Variants in LRRC4C observed in about 807,000 individuals in gnomAD.
LRRC4C encodes the protein leucine rich repeat containing 4C.
In LRRC4C, 5 loss-of-function variants were observed where a neutral mutation model predicts 33.6. The ratio of observed to expected loss-of-function variants is 0.15; its 90% CI spans 0.08 to 0.31. The LOEUF is 0.31. LRRC4C is among the 10% of genes least tolerant of loss of function. LRRC4C has a pLI of 1.00. For missense variants in LRRC4C, 560 were observed against 796.7 expected, an observed-to-expected ratio of 0.70 and a Z score of 3.58; for synonymous variants, 329 against 302.0, an observed-to-expected ratio of 1.09 and a Z score of -0.93.
chr11:41,343,366 G>GAAAAC (rs58062144), intron 1 of LRRC4C, among the ~76,000 whole-genome samples: 29,270 of 151,554 alleles, frequency 0.19, 3,089 homozygotes, highest in East Asian at 0.45. Flanking sequence ...TGATTAAAGA[G>GAAAAC]AAAACAAAAC....
chr11:40,873,783 A>T (rs1319602531), intron 2 of LRRC4C, among the ~76,000 whole-genome samples: 1 of 152,114 alleles, frequency 6.6e-6, no homozygotes, highest in Non-Finnish European at 1.5e-5. Flanking sequence ...AGAATTCAAC[A>T]CTAAATTCTT....
intron 1 of LRRC4C, among the ~76,000 whole-genome samples, chr11:41,160,737 G>A (rs1181325931): frequency 6.6e-6 from 1 of 152,072 alleles, no homozygotes; most frequent in Non-Finnish European, 1.5e-5. Context: ...TCTAGCAAAG[G>A]ATACAGACAC....
At chr11:40,946,455 A>G (rs1958405039) in intron 1 of LRRC4C, among the ~76,000 whole-genome samples, 1 of 152,162 alleles carries the variant, frequency 6.6e-6, no homozygotes, top group South Asian at 2.1e-4. Context: ...ATACCCAGTA[A>G]TGGGATTGCT....
At chr11:41,103,904 G>C (rs1941347444) in intron 1 of LRRC4C, among the ~76,000 whole-genome samples, 2 of 151,920 alleles carry the variant, frequency 1.3e-5, no homozygotes, top group African/African-American at 4.8e-5. Flanking sequence ...ACCACAAACT[G>C]TGCTGGTACA....
At chr11:40,818,793 A>T (rs775651051) in intron 2 of LRRC4C, among the ~76,000 whole-genome samples, 1 of 152,022 alleles carries the variant, frequency 6.6e-6, no homozygotes, top group Non-Finnish European at 1.5e-5. Context: ...TCAGGTTCAT[A>T]ATTTCTAAAA....
At chr11:40,560,883 A>G (rs1957521288) in intron 3 of LRRC4C, among the ~76,000 whole-genome samples, 2 of 152,224 alleles carry the variant, frequency 1.3e-5, no homozygotes, top group Admixed American at 1.3e-4. Context: ...CAGTTACCTT[A>G]TTGGTTAAAT....
At chr11:41,089,876 A>C (rs189951178) in intron 1 of LRRC4C, among the ~76,000 whole-genome samples, 148 of 152,160 alleles carry the variant, frequency 9.7e-4, no homozygotes, top group Admixed American at 3.1e-3. Context: ...AGTAATATAA[A>C]TTATCATAAT....
intron 5 of LRRC4C, among the ~76,000 whole-genome samples, chr11:40,229,592 G>A (rs1865058461): frequency 6.6e-6 from 1 of 152,082 alleles, no homozygotes; most frequent in Admixed American, 6.6e-5. Context: ...AATATTAATA[G>A]CAGCCCACAT....
chr11:40,705,538 A>ATTTTTTTTTTTTTTTTTTTTTTTTTT (rs1946115876), intron 2 of LRRC4C, among the ~76,000 whole-genome samples: 1 of 150,844 alleles, frequency 6.6e-6, no homozygotes, highest in African/African-American at 2.4e-5. Flanking sequence ...ACATGAACTC[A>ATTTTTTTTTTTTTTTTTTTTTTTTTT]TTCTTTTTTA....
intron 2 of LRRC4C, among the ~76,000 whole-genome samples, chr11:40,696,285 T>TA (rs1945508764): frequency 7.0e-6 from 1 of 142,562 alleles, no homozygotes; most frequent in African/African-American, 2.8e-5. Flanking sequence ...ATGCCACATA[T>TA]ATATATATAT....
At chr11:40,560,208 A>G (rs1037509677) in intron 3 of LRRC4C, among the ~76,000 whole-genome samples, 2 of 152,206 alleles carry the variant, frequency 1.3e-5, no homozygotes, top group African/African-American at 4.8e-5. Context: ...GCAATTATAT[A>G]CTAAATAATA....
chr11:40,767,678 G>T (rs1949539905), intron 2 of LRRC4C, among the ~76,000 whole-genome samples: 1 of 151,796 alleles, frequency 6.6e-6, no homozygotes, highest in Admixed American at 6.6e-5. Flanking sequence ...ACTTTAAAAA[G>T]TATACAAACA....
At chr11:40,772,021 G>T (rs916641264) in intron 2 of LRRC4C, among the ~76,000 whole-genome samples, 1 of 152,036 alleles carries the variant, frequency 6.6e-6, no homozygotes, top group African/African-American at 2.4e-5. Flanking sequence ...ACATGTTCAG[G>T]TATCTTTATA....
intron 1 of LRRC4C, among the ~76,000 whole-genome samples, chr11:41,203,598 A>G (rs752626518): frequency 6.6e-6 from 1 of 152,212 alleles, no homozygotes; most frequent in African/African-American, 2.4e-5. Context: ...TATAGTGGTT[A>G]AATATAAAGG....
chr11:40,329,737 C>CTTTTTT (rs199598860), intron 3 of LRRC4C, among the ~76,000 whole-genome samples: 55 of 120,390 alleles, frequency 4.6e-4, no homozygotes, highest in African/African-American at 1.6e-3. Flanking sequence ...CTTTCTTTTT[C>CTTTTTT]TTTTTTTTTT....
intron 1 of LRRC4C, among the ~76,000 whole-genome samples, chr11:41,145,601 A>T (rs1943696179): frequency 6.6e-6 from 1 of 152,154 alleles, no homozygotes; most frequent in Non-Finnish European, 1.5e-5. Context: ...TATATACTCT[A>T]CAACACTTTG....
At chr11:41,073,596 G>T (rs1379262386) in intron 1 of LRRC4C, among the ~76,000 whole-genome samples, 52 of 152,154 alleles carry the variant, frequency 3.4e-4, no homozygotes, top group Admixed American at 3.4e-3. Context: ...GGGGGCTAAT[G>T]ATTTTTCATT....
intron 1 of LRRC4C, among the ~76,000 whole-genome samples, chr11:41,355,225 G>A (rs543869574): frequency 6.6e-6 from 1 of 152,084 alleles, no homozygotes; most frequent in South Asian, 2.1e-4. Flanking sequence ...AAAATGCTCA[G>A]CATCCCTAAT....
chr11:40,579,383 G>A (rs1958362807), intron 3 of LRRC4C, among the ~76,000 whole-genome samples: 1 of 151,900 alleles, frequency 6.6e-6, no homozygotes. Context: ...TGGCTAAGCA[G>A]TAAAGTTGGG....
Sources: gnomAD v4.1 joint callset for allele counts (sites outside exome capture counted in the v4.1 genomes callset) on GRCh38, gnomAD v4.1.1 for gene constraint, MANE v1.5 for transcripts, NCBI Gene and HGNC (gene_info 2026-07-23, HGNC 2026-07-21) for gene names.